Variants in NBAS observed in about 807,000 individuals in gnomAD.
The protein encoded by NBAS is NAG/BC035112 fusion.
A neutral mutation model predicts 302.5 loss-of-function variants in NBAS; 219 were observed. That is an observed-to-expected ratio of 0.72 (90% confidence interval 0.65 to 0.81). The LOEUF (loss-of-function observed/expected upper bound fraction) is 0.81. Ranked by LOEUF, NBAS falls within the 30% of genes least tolerant of loss-of-function variation. The probability of loss-of-function intolerance (pLI) is 0.00; values close to 1 mark genes in which losing one functional copy is unlikely to be tolerated. For synonymous variants in NBAS, 1,118 were observed against 1,021.6 expected, an observed-to-expected ratio of 1.09 and a Z score of -1.80; for missense variants, 2,932 against 2,841.6, an observed-to-expected ratio of 1.03 and a Z score of -0.72.
chr2:15,052,828 T>G, the NBAS span, among the ~76,000 whole-genome samples: 1 of 152,232 alleles, frequency 6.6e-6, no homozygotes, highest in African/African-American at 2.4e-5. Context: ...AAAATTTAAA[T>G]TTCAAATTAT....
chr2:15,127,929 C>T, the NBAS span, among the ~76,000 whole-genome samples: 2 of 152,152 alleles, frequency 1.3e-5, no homozygotes, highest in African/African-American at 2.4e-5. Context: ...TTTCTTGGGG[C>T]CACTAACACT....
chr2:15,471,135 C>G (rs1489405291), intron 16 of NBAS, among the ~76,000 whole-genome samples: 2 of 152,176 alleles, frequency 1.3e-5, no homozygotes, highest in African/African-American at 4.8e-5. Flanking sequence ...TAACATCCCT[C>G]AACTCCCTCA....
intron 21 of NBAS, among the ~76,000 whole-genome samples, chr2:15,434,422 C>A (rs1677911045): frequency 6.6e-6 from 1 of 152,108 alleles, no homozygotes; most frequent in Non-Finnish European, 1.5e-5. Flanking sequence ...GATGCCTATG[C>A]TCATTACAAA....
At chr2:15,249,713 C>T (rs1447291169) in intron 44 of NBAS, among the ~76,000 whole-genome samples, 1 of 152,074 alleles carries the variant, frequency 6.6e-6, no homozygotes, top group African/African-American at 2.4e-5. Context: ...TTCACAATTG[C>T]TACAAAGAGA....
intron 47 of NBAS, among the ~76,000 whole-genome samples, chr2:15,219,290 C>T (rs962185061): frequency 8.1e-5 from 12 of 148,776 alleles, no homozygotes; most frequent in Non-Finnish European, 1.6e-4. Flanking sequence ...TAGTGCAAGG[C>T]TGCATTCTAG....
chr2:15,124,788 TG>T, the NBAS span, among the ~76,000 whole-genome samples: 1 of 152,214 alleles, frequency 6.6e-6, no homozygotes, highest in African/African-American at 2.4e-5. Flanking sequence ...GTTAAGCTTA[TG>T]GGTGCACAGA....
the NBAS span, among the ~76,000 whole-genome samples, chr2:14,975,449 T>G: frequency 2.6e-5 from 4 of 152,220 alleles, no homozygotes; most frequent in Non-Finnish European, 4.4e-5. Flanking sequence ...CTTCTATCAC[T>G]TGGTTCACTC....
chr2:15,032,608 C>T, the NBAS span, among the ~76,000 whole-genome samples: 59 of 152,202 alleles, frequency 3.9e-4, no homozygotes, highest in Admixed American at 3.9e-3. Flanking sequence ...GGAACTAGAA[C>T]TTAAATATTT....
chr2:15,363,745 T>TAG (rs1186978438), intron 32 of NBAS, among the ~76,000 whole-genome samples: 2 of 152,192 alleles, frequency 1.3e-5, no homozygotes, highest in African/African-American at 2.4e-5. Flanking sequence ...GCCAAACAGT[T>TAG]ATCTTAAAGT....
chr2:15,341,402 GAATA>G (rs3085584), intron 35 of NBAS, among the ~76,000 whole-genome samples: 48 of 148,226 alleles, frequency 3.2e-4, no homozygotes, highest in African/African-American at 4.2e-4. Flanking sequence ...ATAAATAAAT[GAATA>G]AATAAATAAA....
At chr2:14,893,293 C>T in the NBAS span, among the ~76,000 whole-genome samples, 5 of 152,056 alleles carry the variant, frequency 3.3e-5, no homozygotes, top group Non-Finnish European at 7.4e-5. Context: ...TTTGTCTTTT[C>T]AAGAAAACTG....
chr2:15,255,189 TA>T (rs1395660762), intron 44 of NBAS, among the ~76,000 whole-genome samples: 1 of 152,242 alleles, frequency 6.6e-6, no homozygotes, highest in Non-Finnish European at 1.5e-5. Context: ...ACCAGCAGTG[TA>T]AAGATGTTCC....
chr2:15,005,420 A>G, the NBAS span, among the ~76,000 whole-genome samples: 2 of 152,234 alleles, frequency 1.3e-5, no homozygotes, highest in African/African-American at 2.4e-5. Flanking sequence ...ATTCATTTAC[A>G]CAATGCACTA....
the NBAS span, among the ~76,000 whole-genome samples, chr2:15,058,841 G>A: frequency 6.6e-6 from 1 of 152,126 alleles, no homozygotes; most frequent in African/African-American, 2.4e-5. Flanking sequence ...ACTATTTGTT[G>A]ACTTGTGCAC....
At chr2:15,144,049 A>ATATTATCC in the NBAS span, among the ~76,000 whole-genome samples, 6 of 86,228 alleles carry the variant, frequency 7.0e-5, no homozygotes, top group African/African-American at 4.0e-4. Context: ...ATATATAAAA[A>ATATTATCC]TATATATATA....
the NBAS span, among the ~76,000 whole-genome samples, chr2:14,926,890 G>T: frequency 6.6e-6 from 1 of 152,212 alleles, no homozygotes; most frequent in Non-Finnish European, 1.5e-5. Context: ...TTGGCTGGGC[G>T]ACGACGCCCA....
At chr2:15,002,859 G>A in the NBAS span, among the ~76,000 whole-genome samples, 2 of 152,152 alleles carry the variant, frequency 1.3e-5, no homozygotes, top group Non-Finnish European at 2.9e-5. Flanking sequence ...ACGCCCACCC[G>A]GAACTCCAGC....
chr2:15,308,381 C>G, intron 39 of NBAS, 28 bp from the exon 40 acceptor site: 2 of 1,611,774 alleles, frequency 1.2e-6, no homozygotes, highest in East Asian at 4.5e-5. Flanking sequence ...AGAATTAACT[C>G]AGCTGAAAGG....
chr2:15,447,844 A>AT (rs1436140649), intron 21 of NBAS, among the ~76,000 whole-genome samples: 2 of 152,206 alleles, frequency 1.3e-5, no homozygotes, highest in African/African-American at 4.8e-5. Flanking sequence ...TAATTTATAA[A>AT]TAACAGAAAT....
Sources: allele counts gnomAD v4.1 joint callset (sites outside exome capture counted in the v4.1 genomes callset), GRCh38; gene constraint gnomAD v4.1.1; transcripts MANE v1.5; gene names NCBI Gene and HGNC (gene_info 2026-07-23, HGNC 2026-07-21).